The following NOS1AP variants were observed in gnomAD, a reference collection of about 807,000 sequenced individuals.
NOS1AP encodes carboxyl-terminal PDZ ligand of neuronal nitric oxide synthase protein.
In NOS1AP, 21 loss-of-function variants were observed where a neutral mutation model predicts 56.2. That is an observed-to-expected ratio of 0.37 (90% CI 0.26 to 0.54). The LOEUF (loss-of-function observed/expected upper bound fraction) is 0.54. Among genes scored for constraint, NOS1AP ranks in the 20% least tolerant of loss-of-function variants. NOS1AP has a pLI of 0.84. For synonymous variants in NOS1AP, 270 were observed against 274.6 expected (o/e 0.98, Z 0.17); for missense variants, 522 against 657.8 (o/e 0.79, Z 2.26).
At chr1:162,149,273 G>C (rs921302213) in intron 1 of NOS1AP, among the ~76,000 whole-genome samples, 2 of 152,214 alleles carry the variant, frequency 1.3e-5, no homozygotes, top group Non-Finnish European at 2.9e-5. Flanking sequence ...ACAGAGCCTG[G>C]ATATCTGAAG....
At chr1:162,357,556 C>T (rs1174557138) in intron 8 of NOS1AP, among the ~76,000 whole-genome samples, 3 of 148,470 alleles carry the variant, frequency 2.0e-5, no homozygotes, top group Non-Finnish European at 4.6e-5. Context: ...TGAATTTGTG[C>T]CAAACACTGT....
intron 1 of NOS1AP, among the ~76,000 whole-genome samples, chr1:162,088,444 C>T (rs900944501): frequency 2.0e-5 from 3 of 152,236 alleles, no homozygotes; most frequent in African/African-American, 4.8e-5. Flanking sequence ...ATAAGAACTG[C>T]TGATGTGTAC....
rs35946766 is a variant in NOS1AP at position 162,324,416 on chromosome 1, C to CTTTTTTTTTTTTTT, written c.345-8586_345-8573dup. 9.7e-5 allele frequency among the ~76,000 whole-genome samples: 7 copies of CTTTTTTTTTTTTTT among 72,148 alleles called. 2 individuals are homozygous for CTTTTTTTTTTTTTT. Among genetic ancestry groups the CTTTTTTTTTTTTTT allele is most frequent in the African/African-American group, 2.0e-4 (4 of 20,250 alleles). 47.3% of individuals were successfully genotyped at this position (72,148 alleles called of 152,430 possible). On this transcript the variant is annotated intron_variant, in intron 4 of 9. Transcript: ENST00000361897. ...TAGTGGTTTTGTGAGGGACACTAGC[C>CTTTTTTTTTTTTTT]TTTTTTTTTTTTTTTTTTTTTTTTT...
At chr1:162,129,674 G>T (rs1200954840) in intron 1 of NOS1AP, among the ~76,000 whole-genome samples, 1 of 152,070 alleles carries the variant, frequency 6.6e-6, no homozygotes, top group Non-Finnish European at 1.5e-5. Flanking sequence ...CTATCTCTTG[G>T]TAAGCCTGGT....
intron 4 of NOS1AP, among the ~76,000 whole-genome samples, chr1:162,326,950 GA>G (rs1379932999): frequency 1.3e-5 from 2 of 152,176 alleles, no homozygotes; most frequent in African/African-American, 4.8e-5. Flanking sequence ...AGATCATGAA[GA>G]AAAATCATGT....
intron 1 of NOS1AP, among the ~76,000 whole-genome samples, chr1:162,136,073 C>T (rs1041904143): frequency 3.3e-5 from 5 of 152,100 alleles, no homozygotes; most frequent in Admixed American, 3.3e-4. Context: ...CGAGTTAGTA[C>T]TATAAAAATG....
intron 2 of NOS1AP, among the ~76,000 whole-genome samples, chr1:162,275,279 G>A (rs1224246282): frequency 6.6e-6 from 1 of 152,088 alleles, no homozygotes; most frequent in African/African-American, 2.4e-5. Flanking sequence ...CTGGGTTCCA[G>A]CGATTCTCTT....
At chr1:162,120,687 G>C (rs56715266) in intron 1 of NOS1AP, among the ~76,000 whole-genome samples, 1 of 151,476 alleles carries the variant, frequency 6.6e-6, no homozygotes, top group African/African-American at 2.4e-5. Context: ...TGGGGGAACC[G>C]CCCCCCCCAT....
chr1:162,355,183 G>T lies in NOS1AP; in HGVS notation c.596-4G>T. On this transcript the variant is annotated splice_region_variant and splice_polypyrimidine_tract_variant and intron_variant, in intron 6 of 9. Transcript: ENST00000361897. Reference sequence around the variant, plus strand: ...CTTCCCTCCCTCCCCTGTTGTTCCTGCAGGCCGCCAGCTCACTGGAGCCGA... The same window carrying T: ...CTTCCCTCCCTCCCCTGTTGTTCCTTCAGGCCGCCAGCTCACTGGAGCCGA... The T allele has an allele frequency of 2.5e-6, 4 of 1,614,064 alleles. No homozygotes were observed. Among genetic ancestry groups the T allele is most frequent in the Non-Finnish European group, 3.4e-6 (4 of 1,180,030 alleles).
At chr1:162,099,863 A>G (rs1446974015) in intron 1 of NOS1AP, among the ~76,000 whole-genome samples, 1 of 150,970 alleles carries the variant, frequency 6.6e-6, no homozygotes, top group African/African-American at 2.4e-5. Flanking sequence ...ATTCCCACCT[A>G]TGAGTGAGAA....
chr1:162,214,269 GTTCA>G (rs57608978), intron 2 of NOS1AP, among the ~76,000 whole-genome samples: 71,050 of 150,662 alleles, frequency 0.47, 18,005 homozygotes, highest in Non-Finnish European at 0.59. Context: ...TCGTTCGTTC[GTTCA>G]TTCATTCATT....
At chr1:162,319,992 C>T (rs1656359120) in intron 4 of NOS1AP, among the ~76,000 whole-genome samples, 1 of 152,180 alleles carries the variant, frequency 6.6e-6, no homozygotes, top group Non-Finnish European at 1.5e-5. Flanking sequence ...CTTCCCAGTT[C>T]CCACAGGCAG....
intron 2 of NOS1AP, among the ~76,000 whole-genome samples, chr1:162,259,152 C>T (rs555201491): frequency 9.8e-4 from 149 of 152,294 alleles, no homozygotes; most frequent in Admixed American, 3.6e-3. Flanking sequence ...TCTGCGACCA[C>T]CCCGCTGTTG....
At chr1:162,170,643 C>G (rs1650723606) in intron 2 of NOS1AP, among the ~76,000 whole-genome samples, 1 of 152,142 alleles carries the variant, frequency 6.6e-6, no homozygotes, top group Admixed American at 6.5e-5. Context: ...AACCAAGGAA[C>G]AGGCCAGGCG....
intron 2 of NOS1AP, among the ~76,000 whole-genome samples, chr1:162,174,017 T>C (rs528253093): frequency 1.3e-5 from 2 of 152,208 alleles, no homozygotes; most frequent in Non-Finnish European, 2.9e-5. Context: ...CTCAGGGATC[T>C]AGAACTAGAA....
intron 1 of NOS1AP, among the ~76,000 whole-genome samples, chr1:162,111,200 G>A (rs1647698080): frequency 6.6e-6 from 1 of 152,224 alleles, no homozygotes; most frequent in Non-Finnish European, 1.5e-5. Flanking sequence ...GGGCTTGTCT[G>A]AGGTCAGATA....
intron 3 of NOS1AP, among the ~76,000 whole-genome samples, chr1:162,296,743 T>G (rs185814774): frequency 9.2e-5 from 14 of 152,326 alleles, no homozygotes; most frequent in African/African-American, 3.1e-4. Context: ...TTAGTTACAT[T>G]CTATAGAATT....
chr1:162,179,056 A>T (rs1009138898), intron 2 of NOS1AP, among the ~76,000 whole-genome samples: 1 of 150,986 alleles, frequency 6.6e-6, no homozygotes, highest in Non-Finnish European at 1.5e-5. Context: ...AATTTTGATA[A>T]CAGTTTTGTC....
intron 1 of NOS1AP, among the ~76,000 whole-genome samples, chr1:162,102,868 T>G (rs946767433): frequency 3.4e-4 from 51 of 152,044 alleles, no homozygotes; most frequent in Admixed American, 3.1e-3. Flanking sequence ...TTTATTAATT[T>G]TTTCAAAAAA....
Sources: gnomAD v4.1 joint callset for allele counts (sites outside exome capture counted in the v4.1 genomes callset) on GRCh38, gnomAD v4.1.1 for gene constraint, MANE v1.5 for transcripts, NCBI Gene and HGNC (gene_info 2026-07-23, HGNC 2026-07-21) for gene names.